The following USH2A variants were observed in gnomAD, a reference collection of about 807,000 sequenced individuals.
USH2A encodes Usher syndrome 2A (autosomal recessive, mild).
Under a neutral mutation model 538.9 loss-of-function variants are expected in USH2A, and 443 were observed. That is an observed-to-expected ratio of 0.82 (90% confidence interval 0.76 to 0.89). The LOEUF (loss-of-function observed/expected upper bound fraction) is 0.89. USH2A is among the 40% of genes least tolerant of loss of function. USH2A has a pLI of 0.00. For synonymous variants in USH2A, 2,413 were observed against 2,273.5 expected (o/e 1.06, Z -1.75); for missense variants, 6,633 against 6,324.8 (o/e 1.05, Z -1.65).
chr1:215,844,463 A>C lies in USH2A; in HGVS notation c.9089T>G (p.Ile3030Ser). 2 of 1,611,892 alleles carry C rather than the reference A, an allele frequency of 1.2e-6. No homozygotes were observed. Among genetic ancestry groups the C allele is most frequent in the Non-Finnish European group, 1.7e-6 (2 of 1,179,832 alleles). Residue 3030 changes from isoleucine (I) to serine (S), a missense_variant, in exon 46 of 72, where the codon ATC becomes AGC. By Grantham distance (142) the Ile-to-Ser change is moderately radical. Transcript: ENST00000307340. Reference protein sequence around the residue: ...PQGMLPPEVVIINSTAVRVIW... With the variant: ...PQGMLPPEVVSINSTAVRVIW... Reference sequence around the variant, plus strand: ...GACACGTACAGCTGTACTGTTGATGATGACAACCTCTGGAGGAAGCATGCC... The same window carrying C: ...GACACGTACAGCTGTACTGTTGATGCTGACAACCTCTGGAGGAAGCATGCC...
intron 30 of USH2A, among the ~76,000 whole-genome samples, chr1:216,062,825 A>G (rs552686413): frequency 7.9e-4 from 120 of 152,328 alleles, no homozygotes; most frequent in African/African-American, 2.8e-3. Flanking sequence ...AGTAATGATC[A>G]TAAACACAAT....
chr1:215,871,305 C>T (rs1314025287), intron 43 of USH2A, among the ~76,000 whole-genome samples: 1 of 152,144 alleles, frequency 6.6e-6, no homozygotes, highest in Non-Finnish European at 1.5e-5. Context: ...GGTGTTATTA[C>T]TCCAATGAAT....
At chr1:215,920,855 C>T (rs946885685) in intron 38 of USH2A, among the ~76,000 whole-genome samples, 6 of 152,008 alleles carry the variant, frequency 3.9e-5, no homozygotes, top group African/African-American at 1.4e-4. Context: ...AGTATTCCTG[C>T]TTTCTTATGG....
Position 216,097,152 on chromosome 1 carries a change from A to G in USH2A, c.4689T>C (p.Pro1563=). 1.2e-6 allele frequency: 2 copies of G among 1,614,178 alleles called. No individual in the cohort carries two copies. The highest frequency in any genetic ancestry group is 1.7e-6 in the Non-Finnish European group (2 of 1,180,006). ...PEGLIVFAAS[P]GNQEEYFALQ... Reference sequence around the variant, plus strand: ...GTGCAAAATACTCTTCCTGATTGCCAGGTGATGCTGCAAAGACAATCAAAC... The same window carrying G: ...GTGCAAAATACTCTTCCTGATTGCCGGGTGATGCTGCAAAGACAATCAAAC... Residue 1563 remains proline (P), a synonymous_variant, in exon 22 of 72, where the codon CCT becomes CCC. Coordinates refer to ENST00000307340, the MANE Select transcript of USH2A (RefSeq NM_206933.4).
intron 3 of USH2A, among the ~76,000 whole-genome samples, chr1:216,396,450 A>G (rs912399652): frequency 2.6e-5 from 4 of 152,190 alleles, no homozygotes; most frequent in African/African-American, 4.8e-5. Flanking sequence ...TTAGGACAGT[A>G]TATCTAATAG....
intron 64 of USH2A, among the ~76,000 whole-genome samples, chr1:215,661,032 C>T: frequency 6.6e-6 from 1 of 152,180 alleles, no homozygotes; most frequent in East Asian, 1.9e-4. Flanking sequence ...TACAATCCTC[C>T]TTAAGTCTTC....
intron 61 of USH2A, among the ~76,000 whole-genome samples, chr1:215,690,920 C>T (rs114726132): frequency 0.014 from 2,189 of 152,132 alleles, 79 homozygotes; most frequent in East Asian, 0.098. Flanking sequence ...GATGGAATCT[C>T]GCTCTGTCAC....
chr1:215,630,482 GTATATATATATATATATATATATATATA>G (rs1158726890), intron 70 of USH2A, among the ~76,000 whole-genome samples: 3 of 22,552 alleles, frequency 1.3e-4, no homozygotes, highest in Admixed American at 1.0e-3. Context: ...ATGTGTGTGT[GTATATATATATATATATATATATATATA>G]TATATATATA....
At chr1:216,302,004 A>T (rs1391210655) in intron 9 of USH2A, among the ~76,000 whole-genome samples, 5 of 152,222 alleles carry the variant, frequency 3.3e-5, no homozygotes, top group Non-Finnish European at 7.3e-5. Context: ...AGGTAGAGAA[A>T]TCATCTTTAT....
chr1:216,243,214 C>T (rs1399674887), intron 13 of USH2A, among the ~76,000 whole-genome samples: 1 of 151,946 alleles, frequency 6.6e-6, no homozygotes, highest in Non-Finnish European at 1.5e-5. Flanking sequence ...GTCGAAGATC[C>T]CAAGAAGGGA....
rs376610897 is a variant in USH2A at position 216,276,821 on chromosome 1, A to G, written c.1971+12459T>C. On this transcript the variant is annotated intron_variant, in intron 11 of 71. Coordinates refer to ENST00000307340, the MANE Select transcript of USH2A (RefSeq NM_206933.4). ...GAGACTCATTCATTATCACAAGAACAGCACAGGAAAGACCTGCCCCCATGA... is the reference window on the plus strand; with the variant it reads ...GAGACTCATTCATTATCACAAGAACGGCACAGGAAAGACCTGCCCCCATGA... Among the ~76,000 whole-genome samples, 41 of 152,232 alleles carry G rather than the reference A, an allele frequency of 2.7e-4. 3 individuals carry two copies. The highest frequency in any genetic ancestry group is 9.9e-4 in the African/African-American group (41 of 41,568).
chr1:216,370,355 T>C (rs1024646564), intron 3 of USH2A, among the ~76,000 whole-genome samples: 3 of 150,468 alleles, frequency 2.0e-5, no homozygotes, highest in African/African-American at 7.4e-5. Flanking sequence ...AGTGAGACTC[T>C]ATCCAAAAAA....
rs961600390 is a variant in USH2A at position 215,625,581 on chromosome 1, C to T, written c.*200G>A. 8 of 610,850 alleles carry T rather than the reference C, an allele frequency of 1.3e-5. No individual in the cohort carries two copies. The highest frequency in any genetic ancestry group is 2.8e-5 in the Admixed American group (1 of 35,812). 37.8% of individuals were successfully genotyped at this position (610,850 alleles called of 1,614,324 possible). On this transcript the variant is annotated 3_prime_UTR_variant, in exon 72 of 72. Transcript: ENST00000307340. Reference sequence around the variant, plus strand: ...TCAAGTATTTTCATATGAATATTCTCTCTCATTTAAGATGAGAAAAATATC... The same window carrying T: ...TCAAGTATTTTCATATGAATATTCTTTCTCATTTAAGATGAGAAAAATATC...
At chr1:216,342,775 G>A (rs2038099281) in intron 4 of USH2A, among the ~76,000 whole-genome samples, 2 of 151,972 alleles carry the variant, frequency 1.3e-5, no homozygotes, top group Admixed American at 6.6e-5. Flanking sequence ...CTCATAAATG[G>A]GAGCTGAACA....
chr1:215,960,024 G>T (rs1667158737), intron 37 of USH2A, among the ~76,000 whole-genome samples: 1 of 152,168 alleles, frequency 6.6e-6, no homozygotes, highest in African/African-American at 2.4e-5. Flanking sequence ...ACTAAGTACA[G>T]GATCAGTGTG....
At chr1:216,400,581 A>G (rs1038536075) in intron 3 of USH2A, among the ~76,000 whole-genome samples, 1 of 152,180 alleles carries the variant, frequency 6.6e-6, no homozygotes, top group African/African-American at 2.4e-5. Flanking sequence ...ACATGCAAGA[A>G]GCTGAGCAAA....
intron 40 of USH2A, among the ~76,000 whole-genome samples, chr1:215,890,859 G>T (rs768850630): frequency 6.6e-6 from 1 of 152,122 alleles, no homozygotes; most frequent in Non-Finnish European, 1.5e-5. Flanking sequence ...ATTGGGTTTC[G>T]TAAAATCAAT....
chr1:216,156,295 C>CTTTTTTTTTTTTTTTTTTTTT (rs35698520), intron 21 of USH2A, among the ~76,000 whole-genome samples: 13 of 105,522 alleles, frequency 1.2e-4, no homozygotes, highest in East Asian at 2.6e-4. Context: ...TTTTTTTTTT[C>CTTTTTTTTTTTTTTTTTTTTT]TTTTTTTTTT....
rs149606872 is a variant in USH2A, at chr1:215,965,410, G to A, written c.7027C>T (p.Arg2343Trp). 2.2e-5 allele frequency: 35 copies of A among 1,613,712 alleles called. No homozygotes were observed. Among genetic ancestry groups the A allele is most frequent in the African/African-American group, 5.3e-5 (4 of 74,888 alleles). Residue 2343 changes from arginine (R) to tryptophan (W), a missense_variant, in exon 37 of 72, where the codon CGG (arginine) becomes TGG (tryptophan). By Grantham distance (101) the Arg-to-Trp change is moderately radical (BLOSUM62 -3). Transcript: ENST00000307340. Reference protein sequence around the residue: ...VNVFVKTQGSRKAHVRWEAPF... With the variant: ...VNVFVKTQGSWKAHVRWEAPF... ...GCTTCCCACCTCACGTGGGCTTTCCGGGATCCCTGTGTTTTGACAAACACA... is the reference window on the plus strand; with the variant it reads ...GCTTCCCACCTCACGTGGGCTTTCCAGGATCCCTGTGTTTTGACAAACACA...
Sources: allele counts gnomAD v4.1 joint callset (sites outside exome capture counted in the v4.1 genomes callset), GRCh38; gene constraint gnomAD v4.1.1; transcripts MANE v1.5; gene names NCBI Gene and HGNC (gene_info 2026-07-23, HGNC 2026-07-21).